HKDC1: variants seen among roughly 807,000 people sequenced by gnomAD.
HKDC1 encodes hexokinase HKDC1.
Under a neutral mutation model 96.6 loss-of-function variants are expected in HKDC1, and 66 were observed. That is an observed-to-expected ratio of 0.68 (90% CI 0.56 to 0.84). The LOEUF (loss-of-function observed/expected upper bound fraction) is 0.84. HKDC1 is among the 40% of genes least tolerant of loss of function. The pLI is 0.00. For missense variants in HKDC1, 1,211 were observed against 1,208.1 expected (o/e 1.00, Z -0.04); for synonymous variants, 466 against 473.1 (o/e 0.98, Z 0.20).
chr10:69,230,740 A>G (rs934352494), intron 2 of HKDC1, among the ~76,000 whole-genome samples: 3 of 152,106 alleles, frequency 2.0e-5, no homozygotes, highest in African/African-American at 7.2e-5. Flanking sequence ...CAGCCTCCCA[A>G]GTAGCTGGGA....
rs1046918558 is a variant in HKDC1 at position 69,249,013 on chromosome 10, C to CG, written c.1570+286dup. The CG allele has an allele frequency of 4.2e-5, 12 of 285,488 alleles. 1 individual carries two copies. Among genetic ancestry groups the CG allele is most frequent in the Non-Finnish European group, 6.5e-5 (10 of 153,912 alleles). The allele number at this position is 285,488 out of a possible 1,614,324, so 17.7% of individuals were successfully genotyped here. A position where few individuals can be genotyped will look rare whatever the true frequency, so the allele number is the denominator to read the frequency against. Reference sequence around the variant, plus strand: ...GATGAGAACATGAGTGTACCCCCCCCGACCCCCAGATCCTGACCCCAGGAA... The same window carrying CG: ...GATGAGAACATGAGTGTACCCCCCCCGGACCCCCAGATCCTGACCCCAGGAA... On this transcript the variant is annotated intron_variant, in intron 10 of 17. Transcript: ENST00000354624.
intron 16 of HKDC1, among the ~76,000 whole-genome samples, chr10:69,264,074 C>T (rs1322350882): frequency 3.9e-5 from 6 of 152,120 alleles, no homozygotes; most frequent in Non-Finnish European, 8.8e-5. Context: ...AGGAGAATCG[C>T]TTGAACCCAG....
At chr10:69,221,204 A>G (rs1303937357) in intron 1 of HKDC1, among the ~76,000 whole-genome samples, 1 of 152,198 alleles carries the variant, frequency 6.6e-6, no homozygotes, top group Non-Finnish European at 1.5e-5. Flanking sequence ...GAAAGCATAT[A>G]AATGTGGGCA....
rs551416178 is a variant in HKDC1, at chr10:69,223,648, C to T, written c.63+3150C>T. Among the ~76,000 whole-genome samples the T allele has an allele frequency of 3.5e-4, 45 of 128,550 alleles. No individual in the cohort carries two copies. The Middle Eastern group carries it at 0.018, about 50-fold the overall frequency. The allele number at this position is 128,550 out of a possible 152,430, so 84.3% of individuals were successfully genotyped here. ...TCTCCCAGGCTGGAGTGCAGTGGTG[C>T]GATCTTGGCTCACTGCAACCTCCGC... On this transcript the variant is annotated intron_variant, in intron 1 of 17. Transcript: ENST00000354624.
Position 69,265,834 on chromosome 10 carries a change from A to C in HKDC1, c.2606+16A>C. The C allele has an allele frequency of 6.6e-5, 87 of 1,322,708 alleles. No homozygotes were observed. Among genetic ancestry groups the C allele is most frequent in the Non-Finnish European group, 7.9e-5 (74 of 935,384 alleles). 81.9% of individuals were successfully genotyped at this position (1,322,708 alleles called of 1,614,324 possible). ...TGCACCCTCAGTGAGTGCCCACAAG[A>C]GGCGTGGCGGGTGGGGCTGGGGAGG... On this transcript the variant is annotated intron_variant, in intron 17 of 17. Coordinates refer to ENST00000354624, the MANE Select transcript of HKDC1 (RefSeq NM_025130.4).
chr10:69,263,814 T>G (rs1361485920), intron 16 of HKDC1, among the ~76,000 whole-genome samples: 1 of 152,206 alleles, frequency 6.6e-6, no homozygotes, highest in East Asian at 1.9e-4. Context: ...AACCTCTTTT[T>G]CTTACTATAC....
chr10:69,262,269 G>A (rs1018605173), intron 16 of HKDC1, among the ~76,000 whole-genome samples: 1 of 152,170 alleles, frequency 6.6e-6, no homozygotes, highest in African/African-American at 2.4e-5. Flanking sequence ...AATATAGGAT[G>A]TCTAGTTTGT....
intron 1 of HKDC1, among the ~76,000 whole-genome samples, chr10:69,224,084 T>C (rs1028018947): frequency 6.6e-6 from 1 of 150,428 alleles, no homozygotes; most frequent in Non-Finnish European, 1.5e-5. Context: ...GGCACATGCC[T>C]GTAGTCCCAG....
At chr10:69,236,314 G>T (rs1843359536) in intron 4 of HKDC1, among the ~76,000 whole-genome samples, 1 of 151,340 alleles carries the variant, frequency 6.6e-6, no homozygotes, top group Non-Finnish European at 1.5e-5. Context: ...CACCATGTTG[G>T]CCAGGCTGGT....
chr10:69,223,093 C>G lies in HKDC1; in HGVS notation c.63+2595C>G, dbSNP rs1589399560. On this transcript the variant is annotated intron_variant, in intron 1 of 17. Coordinates refer to ENST00000354624, the MANE Select transcript of HKDC1 (RefSeq NM_025130.4). ...AAAACGAAAATAGAAACCACTCTGA[C>G]AGATTCTTTTCCAATTCAATATATT... The G allele has an allele frequency of 3.3e-5, 5 of 152,292 alleles. 1 individual carries two copies. Among genetic ancestry groups the G allele is most frequent in the Admixed American group, 3.3e-4 (5 of 15,296 alleles). 9.4% of individuals were successfully genotyped at this position (152,292 alleles called of 1,614,324 possible).
At chr10:69,257,514 C>G (rs1564736297) in intron 14 of HKDC1, 88 bp downstream of exon 14, 7 of 1,062,364 alleles carry the variant, frequency 6.6e-6, no homozygotes, top group Non-Finnish European at 8.8e-6. Flanking sequence ...GGGCATTGTT[C>G]CATTATACAG....
chr10:69,227,158 AG>A, intron 1 of HKDC1, 48 bp from the exon 2 acceptor site: 8 of 1,604,368 alleles, frequency 5.0e-6, no homozygotes, highest in Non-Finnish European at 6.8e-6. Flanking sequence ...CCTCGACTGG[AG>A]GGTGAGGGCC....
At chr10:69,254,826 C>T (rs1295731706) in intron 12 of HKDC1, among the ~76,000 whole-genome samples, 2 of 151,626 alleles carry the variant, frequency 1.3e-5, no homozygotes, top group Admixed American at 6.6e-5. Flanking sequence ...TAATTTCACC[C>T]CTGAAATAAG....
intron 10 of HKDC1, among the ~76,000 whole-genome samples, chr10:69,249,910 G>A (rs1004483273): frequency 6.6e-6 from 1 of 152,182 alleles, no homozygotes; most frequent in Non-Finnish European, 1.5e-5. Context: ...GCCTTCAGAG[G>A]TTCAGTCTCC....
chr10:69,232,004 A>G (rs1399620874), intron 2 of HKDC1, among the ~76,000 whole-genome samples: 1 of 152,182 alleles, frequency 6.6e-6, no homozygotes, highest in Non-Finnish European at 1.5e-5. Context: ...TTGCTACTCT[A>G]ACTATGGTCT....
At chr10:69,245,781 A>G (rs1843531211) in intron 7 of HKDC1, among the ~76,000 whole-genome samples, 1 of 152,124 alleles carries the variant, frequency 6.6e-6, no homozygotes, top group Non-Finnish European at 1.5e-5. Context: ...AGCTTGATGT[A>G]GGAGTGGGAA....
chr10:69,247,621 C>T (rs756320455), intron 9 of HKDC1, 28 bp downstream of exon 9: 15 of 1,571,602 alleles, frequency 9.5e-6, no homozygotes, highest in Admixed American at 5.1e-5. Flanking sequence ...TCCACGCCCC[C>T]ACAAATGAGT....
intron 7 of HKDC1, 77 bp from the exon 8 acceptor site, chr10:69,246,002 A>G: frequency 6.4e-7 from 1 of 1,555,860 alleles, no homozygotes; most frequent in Non-Finnish European, 8.8e-7. Flanking sequence ...TCCTGTGGGC[A>G]GTGGCTCCTG....
In HKDC1 at chr10:69,265,607, G is replaced by C; in HGVS notation, c.2395G>C (p.Val799Leu). The change falls in exon 17 of 18, where the codon GTC (valine) becomes CTC (leucine). Residue 799 changes from valine (V) to leucine (L), a missense_variant. Val to Leu is a conservative substitution (Grantham distance 32). Coordinates refer to ENST00000354624, the MANE Select transcript of HKDC1 (RefSeq NM_025130.4). ...CAGCGATCGGCTGGCCCTTCTCCAG[G>C]TCAGGAGGATTCTGCAGCAGCTGGG... is the stretch of plus-strand genomic sequence containing the variant. ...IESDRLALLQ[V>L]RRILQQLGLD... The C allele has an allele frequency of 6.2e-7, 1 of 1,613,686 alleles. No individual in the cohort carries two copies. Among genetic ancestry groups the C allele is most frequent in the Non-Finnish European group, 8.5e-7 (1 of 1,179,910 alleles).
Sources: allele counts gnomAD v4.1 joint callset (sites outside exome capture counted in the v4.1 genomes callset), GRCh38; gene constraint gnomAD v4.1.1; transcripts MANE v1.5; gene names NCBI Gene and HGNC (gene_info 2026-07-23, HGNC 2026-07-21).